KIAA1210: variants seen among roughly 807,000 people sequenced by gnomAD.
KIAA1210 encodes the protein KIAA1210.
A neutral mutation model predicts 78.9 loss-of-function variants in KIAA1210; 48 were observed. The ratio of observed to expected loss-of-function variants is 0.61; its 90% CI spans 0.48 to 0.77. The LOEUF is 0.77. KIAA1210 is among the 30% of genes least tolerant of loss of function. The probability of loss-of-function intolerance (pLI) is 0.00; values close to 1 mark genes in which losing one functional copy is unlikely to be tolerated. For missense variants in KIAA1210, 1,108 were observed against 1,100.0 expected (o/e 1.01, Z -0.10); for synonymous variants, 406 against 404.5 (o/e 1.00, Z -0.04).
chrX:119,138,911 C>T (rs1928984201), intron 2 of KIAA1210, among the ~76,000 whole-genome samples: 1 of 112,092 alleles, frequency 8.9e-6, no homozygotes, highest in Non-Finnish European at 1.9e-5. Flanking sequence ...CAGCTGGACA[C>T]TGCCCCGTTG....
At chrX:119,145,178 G>T (rs1267714345) in intron 2 of KIAA1210, among the ~76,000 whole-genome samples, 2 of 111,152 alleles carry the variant, frequency 1.8e-5, no homozygotes, top group Non-Finnish European at 3.8e-5. Context: ...ACGCTCTTAA[G>T]GTGGGTCCTC....
At chrX:119,146,382 G>T (rs1929168214) in intron 2 of KIAA1210, among the ~76,000 whole-genome samples, 1 of 111,248 alleles carries the variant, frequency 9.0e-6, no homozygotes, top group South Asian at 3.8e-4. Flanking sequence ...TGAAATTTTG[G>T]CTCCTGATGA....
chrX:119,136,112 A>G lies in KIAA1210; in HGVS notation c.410+11361T>C, dbSNP rs141318607. 8.5e-3 allele frequency among the ~76,000 whole-genome samples: 956 copies of G among 111,995 alleles called. 13 individuals carry two copies. The highest frequency in any genetic ancestry group is 0.029 in the African/African-American group (901 of 30,876). ...GTTGCTAGTGGAGGATGTGAATTTT[A>G]CATAGCTCATTGGATTCTGTGGGAT... On this transcript the variant is annotated intron_variant, in intron 2 of 13. Transcript: ENST00000402510.
At chrX:119,102,153 G>T (rs775576249) in intron 6 of KIAA1210, among the ~76,000 whole-genome samples, 1 of 112,637 alleles carries the variant, frequency 8.9e-6, no homozygotes, top group Non-Finnish European at 1.9e-5. Context: ...CTCTATCTTT[G>T]ATTGGCTCTG....
chrX:119,092,975 T>C (rs1284072563), intron 8 of KIAA1210, among the ~76,000 whole-genome samples: 1 of 110,982 alleles, frequency 9.0e-6, no homozygotes, highest in Non-Finnish European at 1.9e-5. Context: ...ACTATTCAAC[T>C]TAATTTGAGG....
rs1927417292 is a variant in KIAA1210, at chrX:119,092,715, CAT to C, written c.955+950_955+951del. Among the ~76,000 whole-genome samples the C allele has an allele frequency of 5.5e-5, 6 of 109,138 alleles. No homozygotes were observed. The South Asian group carries it at 2.0e-3, about 36-fold the overall frequency. 94.8% of individuals were successfully genotyped at this position (109,138 alleles called of 115,157 possible). On this transcript the variant is annotated intron_variant, in intron 8 of 11. Coordinates refer to ENST00000691062, the MANE Select transcript of KIAA1210 (RefSeq NM_001394962.1). ...GGTGGAGGTTGCAGTGAGCCGAGAT[CAT>C]GCCACTGCACTCCAGCCTGGGTGAC...
At chrX:119,083,973 A>C (rs1361366589) in intron 10 of KIAA1210, among the ~76,000 whole-genome samples, 1 of 89,801 alleles carries the variant, frequency 1.1e-5, no homozygotes, top group East Asian at 4.3e-4. Context: ...CACTCCAGCC[A>C]GGAAGACAGA....
intron 2 of KIAA1210, among the ~76,000 whole-genome samples, chrX:119,136,230 T>A (rs1379222600): frequency 1.8e-5 from 2 of 111,387 alleles, no homozygotes; most frequent in Admixed American, 1.9e-4. Flanking sequence ...GTAGGGGAGA[T>A]AAGGGAGAAA....
At position 119,080,036 on chromosome X, in the gene KIAA1210, T is replaced by C. The variant is rs1926895145; in HGVS notation, c.*1293A>G. 9.0e-6 allele frequency: 1 copy of C among 111,680 alleles called. No homozygotes were observed. 9.2% of individuals were successfully genotyped at this position (111,680 alleles called of 1,213,427 possible). A position where few individuals can be genotyped will look rare whatever the true frequency, so the allele number is the denominator to read the frequency against. On this transcript the variant is annotated 3_prime_UTR_variant, in exon 12 of 12. Transcript: ENST00000691062. ...TGGCTCCAGATGTGCATCAAGGCAG[T>C]AAGCTTGCCATCTGCCTGATGGAAA...
At chrX:119,131,865 A>G (rs768842655), upstream of KIAA1210, among the ~76,000 whole-genome samples, 14 of 112,600 alleles carry the variant, frequency 1.2e-4, no homozygotes, top group East Asian at 1.1e-3. Flanking sequence ...ACTTGAGCTC[A>G]GGAGTTTGAT....
chrX:119,131,945 A>G (rs887545621), upstream of KIAA1210, among the ~76,000 whole-genome samples: 7 of 112,061 alleles, frequency 6.2e-5, no homozygotes, highest in African/African-American at 2.3e-4. Flanking sequence ...ATGGTGGTGC[A>G]CACCTGTAGT....
chrX:119,102,107 A>G (rs935512865), intron 6 of KIAA1210, among the ~76,000 whole-genome samples: 8 of 112,842 alleles, frequency 7.1e-5, no homozygotes, highest in Non-Finnish European at 1.3e-4. Context: ...GAAAAGTGCT[A>G]TGGATTTGGT....
At chrX:119,150,374 G>C (rs749786556) in exon 1 of KIAA1210, 7 of 1,210,129 alleles carry the variant, frequency 5.8e-6, no homozygotes, top group Non-Finnish European at 7.8e-6. Context: ...AGTCACTGCA[G>C]CTGGGCCAAG....
chrX:119,091,008 C>T (rs1011938945), intron 8 of KIAA1210, among the ~76,000 whole-genome samples: 1 of 112,043 alleles, frequency 8.9e-6, no homozygotes, highest in African/African-American at 3.3e-5. Flanking sequence ...AAACTGAAAG[C>T]ACCCAGAGCT....
chrX:119,117,569 C>CT (rs754223193), intron 2 of KIAA1210, among the ~76,000 whole-genome samples: 33,285 of 91,725 alleles, frequency 0.36, 5,475 homozygotes, highest in East Asian at 0.64. Context: ...TTGGGCTTTA[C>CT]TTTTTTTTTT....
intron 1 of KIAA1210, among the ~76,000 whole-genome samples, chrX:119,123,942 G>A (rs901269154): frequency 1.8e-5 from 2 of 111,558 alleles, no homozygotes; most frequent in Non-Finnish European, 3.8e-5. Context: ...TTGGTGGGGG[G>A]GGCGTTGGTA....
upstream of KIAA1210, among the ~76,000 whole-genome samples, chrX:119,129,931 G>A (rs764409691): frequency 1.8e-5 from 2 of 111,342 alleles, no homozygotes; most frequent in Non-Finnish European, 3.8e-5. Context: ...TTTCTTTCAC[G>A]TGCCTCATTA....
chrX:119,121,419 G>C (rs1159540439), intron 2 of KIAA1210, among the ~76,000 whole-genome samples: 1 of 111,710 alleles, frequency 9.0e-6, no homozygotes, highest in Non-Finnish European at 1.9e-5. Context: ...ACAGCTGAGA[G>C]CTGACAGCTG....
intron 3 of KIAA1210, among the ~76,000 whole-genome samples, chrX:119,113,032 T>C (rs1201528695): frequency 1.8e-5 from 2 of 111,888 alleles, no homozygotes; most frequent in Non-Finnish European, 3.8e-5. Flanking sequence ...TGATACATGC[T>C]ACAACATGAA....
Sources: gnomAD v4.1 joint callset for allele counts (sites outside exome capture counted in the v4.1 genomes callset) on GRCh38, gnomAD v4.1.1 for gene constraint, MANE v1.5 for transcripts, NCBI Gene and HGNC (gene_info 2026-07-23, HGNC 2026-07-21) for gene names.